The following SVEP1 variants were observed in gnomAD, a reference collection of about 807,000 sequenced individuals.
SVEP1 encodes sushi, von Willebrand factor type A, EGF and pentraxin domain-containing protein 1.
SVEP1 carries 164 observed loss-of-function variants against 367.3 expected under a neutral mutation model. The observed-to-expected ratio is 0.45, with a 90% CI of 0.39 to 0.51. SVEP1 has a LOEUF of 0.51. Ranked by LOEUF, SVEP1 falls within the 20% of genes least tolerant of loss-of-function variation. The pLI is 0.00. For synonymous variants in SVEP1, 1,666 were observed against 1,611.6 expected (o/e 1.03, Z -0.81); for missense variants, 4,117 against 4,425.3 (o/e 0.93, Z 1.98).
chr9:110,573,443 G>A (rs1830589164), intron 1 of SVEP1, among the ~76,000 whole-genome samples: 1 of 152,172 alleles, frequency 6.6e-6, no homozygotes, highest in South Asian at 2.1e-4. Context: ...CCCTGAGCTA[G>A]GAAGCACTTC....
chr9:110,450,984 G>A (rs1270125397), intron 23 of SVEP1, among the ~76,000 whole-genome samples: 1 of 151,996 alleles, frequency 6.6e-6, no homozygotes, highest in African/African-American at 2.4e-5. Flanking sequence ...TTGTACATCT[G>A]TTTGCAATAT....
chr9:110,404,775 T>C (rs1827930085), intron 38 of SVEP1, among the ~76,000 whole-genome samples: 1 of 152,022 alleles, frequency 6.6e-6, no homozygotes, highest in African/African-American at 2.4e-5. Context: ...CTGTAATCCC[T>C]GCACTTTGGA....
intron 36 of SVEP1, among the ~76,000 whole-genome samples, chr9:110,425,265 C>T (rs999438928): frequency 6.6e-6 from 1 of 152,052 alleles, no homozygotes; most frequent in Non-Finnish European, 1.5e-5. Context: ...AGATAGCTTC[C>T]CCATATATTA....
chr9:110,401,091 G>A (rs2118994051), intron 39 of SVEP1, 82 bp from the exon 40 acceptor site: 1 of 1,525,826 alleles, frequency 6.6e-7, no homozygotes, highest in East Asian at 2.3e-5. Context: ...TTGGTTATTT[G>A]CAGAATAATC....
intron 37 of SVEP1, among the ~76,000 whole-genome samples, chr9:110,409,325 G>A (rs1828008048): frequency 6.6e-6 from 1 of 152,126 alleles, no homozygotes; most frequent in African/African-American, 2.4e-5. Context: ...GGGAAGCTGA[G>A]GCAGGAGAAT....
intron 43 of SVEP1, 110 bp downstream of exon 43, chr9:110,385,788 C>T (rs1827512017): frequency 8.8e-7 from 1 of 1,139,192 alleles, no homozygotes; most frequent in East Asian, 2.7e-5. Flanking sequence ...ACTGTGATAG[C>T]ACAGAGATCT....
intron 2 of SVEP1, 41 bp from the exon 3 acceptor site, chr9:110,546,332 C>G (rs370464250): frequency 1.7e-5 from 27 of 1,543,354 alleles, no homozygotes; most frequent in Non-Finnish European, 2.3e-5. Context: ...AAATGAGTCA[C>G]AGTTCAATGT....
intron 1 of SVEP1, among the ~76,000 whole-genome samples, chr9:110,561,403 A>T (rs1171809897): frequency 6.6e-6 from 1 of 152,180 alleles, no homozygotes; most frequent in Non-Finnish European, 1.5e-5. Context: ...ATGGCAAGAT[A>T]CTCTATGGCA....
intron 39 of SVEP1, 46 bp from the exon 40 acceptor site, chr9:110,401,055 C>T: frequency 1.3e-6 from 2 of 1,592,092 alleles, no homozygotes; most frequent in South Asian, 1.1e-5. Flanking sequence ...GAAGTTAATA[C>T]ATATGAATGA....
intron 27 of SVEP1, 112 bp downstream of exon 27, chr9:110,443,433 C>T: frequency 1.0e-6 from 1 of 968,254 alleles, no homozygotes; most frequent in South Asian, 3.0e-5. Context: ...AGAGAGATAG[C>T]TGTTAATCTT....
chr9:110,449,550 G>C (rs1828659306), intron 24 of SVEP1, among the ~76,000 whole-genome samples: 1 of 152,164 alleles, frequency 6.6e-6, no homozygotes, highest in Non-Finnish European at 1.5e-5. Flanking sequence ...AGGCGTGGTG[G>C]CAGGCACCTG....
At chr9:110,379,269 A>C in intron 44 of SVEP1, 78 bp downstream of exon 44, 1 of 1,481,604 alleles carries the variant, frequency 6.7e-7, no homozygotes, top group Non-Finnish European at 9.1e-7. Context: ...TATGCATATT[A>C]ATTGCTGGAC....
intron 2 of SVEP1, among the ~76,000 whole-genome samples, chr9:110,547,418 T>TA (rs1233105421): frequency 2.0e-5 from 3 of 152,176 alleles, no homozygotes; most frequent in South Asian, 2.1e-4. Context: ...TAACAATTTT[T>TA]AAAAAAATTA....
intron 20 of SVEP1, among the ~76,000 whole-genome samples, chr9:110,457,774 G>A (rs1828798678): frequency 6.6e-6 from 1 of 152,108 alleles, no homozygotes; most frequent in East Asian, 1.9e-4. Context: ...AAATTCCTAT[G>A]TCCACTAGGC....
chr9:110,398,916 C>T (rs1827812853), intron 40 of SVEP1, among the ~76,000 whole-genome samples: 1 of 152,176 alleles, frequency 6.6e-6, no homozygotes, highest in Non-Finnish European at 1.5e-5. Context: ...ACTAGTTCAA[C>T]CACTGTGGAA....
intron 41 of SVEP1, 66 bp downstream of exon 41, chr9:110,389,458 G>A: frequency 6.4e-7 from 1 of 1,569,094 alleles, no homozygotes; most frequent in Admixed American, 1.8e-5. Context: ...TAAAGAAAAT[G>A]TAGCCACACT....
chr9:110,476,183 G>A (rs769444200), intron 14 of SVEP1, 21 bp downstream of exon 14: 47 of 1,493,148 alleles, frequency 3.1e-5, no homozygotes, highest in Admixed American at 1.7e-4. Context: ...GCCAACTACC[G>A]ATGCCACAGA....
intron 36 of SVEP1, among the ~76,000 whole-genome samples, chr9:110,418,809 A>G (rs1300713648): frequency 1.8e-5 from 2 of 111,760 alleles, no homozygotes; most frequent in Non-Finnish European, 4.0e-5. Flanking sequence ...GGGGGCCAAT[A>G]TTCAACATTC....
chr9:110,406,749 G>T lies in SVEP1; in HGVS notation c.8851C>A (p.Pro2951Thr). ...IPLCKPVNCG[P>T]PEDLAHGFPN... is the part of the protein sequence containing the mutation. ...AAACCATGGGCAAGATCTTCAGGAG[G>T]TCCACAGTTGACTGGTTTACAGAGA... The change falls in exon 38 of 48, where the codon CCT (proline) becomes ACT (threonine). Residue 2951 changes from proline to threonine, a missense_variant. Pro to Thr is a conservative substitution (Grantham distance 38). Coordinates refer to ENST00000374469, the MANE Select transcript of SVEP1 (RefSeq NM_153366.4). The T allele has an allele frequency of 6.2e-7, 1 of 1,614,026 alleles. No homozygotes were observed. Among genetic ancestry groups the T allele is most frequent in the Non-Finnish European group, 8.5e-7 (1 of 1,179,896 alleles).
Sources: gnomAD v4.1 joint callset for allele counts (sites outside exome capture counted in the v4.1 genomes callset) on GRCh38, gnomAD v4.1.1 for gene constraint, MANE v1.5 for transcripts, NCBI Gene and HGNC (gene_info 2026-07-23, HGNC 2026-07-21) for gene names.